The following ARHGAP6 variants were observed in gnomAD, a reference collection of about 807,000 sequenced individuals.
The protein encoded by ARHGAP6 is rho GTPase-activating protein 6.
A neutral mutation model predicts 55.7 loss-of-function variants in ARHGAP6; 16 were observed. That is an observed-to-expected ratio of 0.29 (90% CI 0.19 to 0.44). ARHGAP6 has a LOEUF of 0.44. Ranked by LOEUF, ARHGAP6 falls within the 20% of genes least tolerant of loss-of-function variation. The probability of loss-of-function intolerance (pLI) is 1.00; values close to 1 mark genes in which losing one functional copy is unlikely to be tolerated. For synonymous variants in ARHGAP6, 382 were observed against 360.9 expected (o/e 1.06, Z -0.66); for missense variants, 698 against 808.9 (o/e 0.86, Z 1.66).
rs936272101 is a variant in ARHGAP6, at chrX:11,584,813, T to C, written c.588+79428A>G. ...GTTATGACTATAATAACTACAGATG[T>C]GTAACATGAAACTCAACAAATATTT... On this transcript the variant is annotated intron_variant, in intron 1 of 12. Coordinates refer to ENST00000337414, the MANE Select transcript of ARHGAP6 (RefSeq NM_013427.3). Among the ~76,000 whole-genome samples the C allele has an allele frequency of 2.9e-5, 3 of 104,879 alleles. No homozygotes were observed. In the East Asian group the frequency reaches 8.5e-4, roughly 30 times the overall value. The allele number at this position is 104,879 out of a possible 115,157, so 91.1% of individuals were successfully genotyped here.
chrX:11,510,272 T>C (rs2050772935), intron 1 of ARHGAP6, among the ~76,000 whole-genome samples: 1 of 111,292 alleles, frequency 9.0e-6, no homozygotes, highest in South Asian at 3.8e-4. Flanking sequence ...AATAAGGAGA[T>C]CATTATATTT....
chrX:11,335,233 TTATTA>T (rs758028805), intron 1 of ARHGAP6: 17 of 139,116 alleles, frequency 1.2e-4, no homozygotes, highest in Non-Finnish European at 2.1e-4. Flanking sequence ...CTAAATTTTT[TTATTA>T]TATTTTAAGT....
chrX:11,172,591 G>A (rs768940223), intron 8 of ARHGAP6, among the ~76,000 whole-genome samples: 2 of 111,515 alleles, frequency 1.8e-5, no homozygotes, highest in African/African-American at 6.5e-5. Context: ...CTCTGTTTCC[G>A]CTCTTTCCTT....
At chrX:11,635,312 A>T (rs2052405883) in intron 1 of ARHGAP6, among the ~76,000 whole-genome samples, 1 of 106,663 alleles carries the variant, frequency 9.4e-6, no homozygotes, top group African/African-American at 3.3e-5. Context: ...AAACATACCC[A>T]AATAGTCCAA....
At chrX:11,279,943 G>A in intron 1 of ARHGAP6, among the ~76,000 whole-genome samples, 1 of 111,502 alleles carries the variant, frequency 9.0e-6, no homozygotes, top group Non-Finnish European at 1.9e-5. Flanking sequence ...CACTAGCTTA[G>A]TAGTCCTCTA....
chrX:11,210,944 C>T (rs1487061829), intron 2 of ARHGAP6, among the ~76,000 whole-genome samples: 4 of 111,753 alleles, frequency 3.6e-5, no homozygotes, highest in Non-Finnish European at 7.5e-5. Context: ...TTAAGTTACA[C>T]ATTTGATTAA....
At chrX:11,321,572 A>T (rs930882906) in intron 1 of ARHGAP6, among the ~76,000 whole-genome samples, 1 of 111,971 alleles carries the variant, frequency 8.9e-6, no homozygotes, top group Non-Finnish European at 1.9e-5. Flanking sequence ...CCACACACAT[A>T]TACGCACACA....
At chrX:11,360,167 T>C (rs957383422) in intron 1 of ARHGAP6, among the ~76,000 whole-genome samples, 1 of 111,922 alleles carries the variant, frequency 8.9e-6, no homozygotes, top group East Asian at 2.8e-4. Context: ...GAGGCCAGCA[T>C]CATCCTGATA....
At chrX:11,254,938 A>T (rs1418967321) in intron 1 of ARHGAP6, among the ~76,000 whole-genome samples, 1 of 110,949 alleles carries the variant, frequency 9.0e-6, no homozygotes, top group Non-Finnish European at 1.9e-5. Context: ...TTATCTCATT[A>T]TGCATATAGG....
chrX:11,437,551 A>G (rs1436389166), intron 1 of ARHGAP6, among the ~76,000 whole-genome samples: 1 of 112,372 alleles, frequency 8.9e-6, no homozygotes, highest in Non-Finnish European at 1.9e-5. Context: ...GGTGAGCATA[A>G]CAGGGTAGGG....
intron 1 of ARHGAP6, among the ~76,000 whole-genome samples, chrX:11,625,320 T>C (rs1269040009): frequency 9.0e-6 from 1 of 110,717 alleles, no homozygotes; most frequent in Non-Finnish European, 1.9e-5. Context: ...TATATGTATA[T>C]ATGTTTACGT....
intron 1 of ARHGAP6, among the ~76,000 whole-genome samples, chrX:11,295,295 C>T (rs2048064915): frequency 9.0e-6 from 1 of 111,293 alleles, no homozygotes; most frequent in African/African-American, 3.3e-5. Context: ...GCTGCTCTTA[C>T]CCCTCAGGGG....
intron 1 of ARHGAP6, among the ~76,000 whole-genome samples, chrX:11,593,424 G>A (rs963863473): frequency 4.5e-5 from 5 of 112,024 alleles, no homozygotes; most frequent in African/African-American, 1.6e-4. Context: ...AAGATCATTG[G>A]TTACCAGACT....
chrX:11,300,034 G>A (rs759275059), intron 1 of ARHGAP6, among the ~76,000 whole-genome samples: 9 of 111,704 alleles, frequency 8.1e-5, no homozygotes, highest in Non-Finnish European at 1.7e-4. Flanking sequence ...GAAAATATGG[G>A]GCAGAATTTT....
chrX:11,445,669 T>C (rs1353899539), intron 1 of ARHGAP6, among the ~76,000 whole-genome samples: 1 of 111,898 alleles, frequency 8.9e-6, no homozygotes, highest in Non-Finnish European at 1.9e-5. Flanking sequence ...AGGGTGATTC[T>C]GCCTCCCAGA....
chrX:11,455,476 T>C (rs961225659), intron 1 of ARHGAP6, among the ~76,000 whole-genome samples: 18 of 112,220 alleles, frequency 1.6e-4, no homozygotes, highest in Non-Finnish European at 3.4e-4. Context: ...ACTTCATTAC[T>C]TCAGTAGCAT....
At chrX:11,595,619 TATC>T (rs2147137094) in intron 1 of ARHGAP6, among the ~76,000 whole-genome samples, 1 of 111,210 alleles carries the variant, frequency 9.0e-6, no homozygotes, top group South Asian at 3.8e-4. Flanking sequence ...CAAAAGAAAA[TATC>T]ATCAGAATCA....
chrX:11,325,905 C>T (rs2048491178), intron 1 of ARHGAP6, among the ~76,000 whole-genome samples: 1 of 111,248 alleles, frequency 9.0e-6, no homozygotes, highest in Admixed American at 9.6e-5. Context: ...TCCTGCTCAA[C>T]ATTCTGCAAT....
intron 1 of ARHGAP6, among the ~76,000 whole-genome samples, chrX:11,568,844 G>A (rs2051479294): frequency 9.0e-6 from 1 of 111,380 alleles, no homozygotes; most frequent in Non-Finnish European, 1.9e-5. Flanking sequence ...AGGAACTTTG[G>A]AGATATTTTT....
Sources: allele counts gnomAD v4.1 joint callset (sites outside exome capture counted in the v4.1 genomes callset), GRCh38; gene constraint gnomAD v4.1.1; transcripts MANE v1.5; gene names NCBI Gene and HGNC (gene_info 2026-07-23, HGNC 2026-07-21).